The following OR51B5 variants were observed in gnomAD, a reference collection of about 807,000 sequenced individuals.
OR51B5 encodes the protein olfactory receptor 51B5.
For missense variants in OR51B5, 456 were observed against 374.6 expected, an observed-to-expected ratio of 1.22 and a Z score of -1.79; for synonymous variants, 186 against 144.8, an observed-to-expected ratio of 1.28 and a Z score of -2.04.
chr11:5,387,247 A>G (rs1308297458), intron 1 of OR51B5, among the ~76,000 whole-genome samples: 9 of 152,194 alleles, frequency 5.9e-5, no homozygotes, highest in Admixed American at 5.9e-4. Context: ...AGCTCTAAAA[A>G]GGAAGGCATG....
At chr11:5,367,839 C>A (rs117154454) in intron 1 of OR51B5, among the ~76,000 whole-genome samples, 11 of 152,272 alleles carry the variant, frequency 7.2e-5, no homozygotes, top group Non-Finnish European at 1.3e-4. Flanking sequence ...ACAATATATG[C>A]ATTCAAAAAT....
chr11:5,396,792 G>A (rs1283977315), intron 1 of OR51B5, among the ~76,000 whole-genome samples: 2 of 152,082 alleles, frequency 1.3e-5, no homozygotes, highest in African/African-American at 2.4e-5. Flanking sequence ...CACACTACCT[G>A]ATTTCAAACT....
intron 1 of OR51B5, among the ~76,000 whole-genome samples, chr11:5,462,018 T>G (rs979795752): frequency 4.6e-5 from 7 of 152,232 alleles, no homozygotes; most frequent in African/African-American, 1.7e-4. Context: ...AAAGAAAATT[T>G]GTACTTCTAT....
intron 1 of OR51B5, among the ~76,000 whole-genome samples, chr11:5,479,123 T>C (rs1347313555): frequency 1.7e-3 from 259 of 149,650 alleles, no homozygotes; most frequent in Non-Finnish European, 1.3e-3. Context: ...AAGGTCGGGT[T>C]ACCCTCAAAG....
intron 1 of OR51B5, among the ~76,000 whole-genome samples, chr11:5,396,157 T>A (rs1485703180): frequency 6.6e-6 from 1 of 152,146 alleles, no homozygotes; most frequent in Non-Finnish European, 1.5e-5. Flanking sequence ...GTGCCTAGGC[T>A]GCAAGACAGG....
At chr11:5,497,349 T>C (rs1486396287) in intron 1 of OR51B5, among the ~76,000 whole-genome samples, 1 of 152,036 alleles carries the variant, frequency 6.6e-6, no homozygotes, top group African/African-American at 2.4e-5. Flanking sequence ...GAGGCAGAGG[T>C]TGCAGTGAGC....
chr11:5,474,719 T>G (rs1178093676), intron 1 of OR51B5, among the ~76,000 whole-genome samples: 1 of 152,230 alleles, frequency 6.6e-6, no homozygotes, highest in African/African-American at 2.4e-5. Context: ...CACATACATT[T>G]CAATGTGTTG....
chr11:5,342,587 C>T (rs1019088948), exon 1 of OR51B5: 2 of 1,569,034 alleles, frequency 1.3e-6, no homozygotes, highest in Non-Finnish European at 1.7e-6. Context: ...GATTGGAGAT[C>T]AGGTTCCAAT....
chr11:5,420,517 G>A (rs566940643), intron 1 of OR51B5, among the ~76,000 whole-genome samples: 76 of 151,798 alleles, frequency 5.0e-4, no homozygotes, highest in African/African-American at 1.8e-3. Context: ...ATTTAAGATA[G>A]TAATCTCTTC....
At chr11:5,495,707 A>G (rs971635203) in intron 1 of OR51B5, among the ~76,000 whole-genome samples, 1 of 152,184 alleles carries the variant, frequency 6.6e-6, no homozygotes, top group African/African-American at 2.4e-5. Flanking sequence ...AAAACAATTA[A>G]CAAAATAATG....
chr11:5,361,085 A>T (rs912523070), intron 1 of OR51B5, among the ~76,000 whole-genome samples: 2 of 152,182 alleles, frequency 1.3e-5, no homozygotes, highest in Non-Finnish European at 1.5e-5. Flanking sequence ...GCACATGTAT[A>T]CATATGTAAC....
At chr11:5,475,088 T>C (rs438996) in intron 1 of OR51B5, among the ~76,000 whole-genome samples, 90,185 of 151,854 alleles carry the variant, frequency 0.59, 27,139 homozygotes, top group South Asian at 0.7. Flanking sequence ...TTTTCTGCTT[T>C]ACTGACGTCT....
At chr11:5,440,658 G>A (rs1850665334) in intron 1 of OR51B5, 2 of 1,613,736 alleles carry the variant, frequency 1.2e-6, no homozygotes, top group Non-Finnish European at 1.7e-6. Flanking sequence ...GAGCATGGGT[G>A]GTACAAACAG....
At chr11:5,477,664 G>A (rs995378132) in intron 1 of OR51B5, among the ~76,000 whole-genome samples, 10 of 152,192 alleles carry the variant, frequency 6.6e-5, no homozygotes, top group South Asian at 2.1e-4. Flanking sequence ...CGCACCGTGC[G>A]CGAGCCGAAG....
intron 1 of OR51B5, among the ~76,000 whole-genome samples, chr11:5,451,977 T>C (rs1850859971): frequency 6.6e-6 from 1 of 152,134 alleles, no homozygotes; most frequent in Non-Finnish European, 1.5e-5. Context: ...AGAAATAATA[T>C]GTGAATGCCA....
chr11:5,436,847 A>T (rs1850602182), intron 1 of OR51B5, among the ~76,000 whole-genome samples: 1 of 152,146 alleles, frequency 6.6e-6, no homozygotes, highest in East Asian at 1.9e-4. Flanking sequence ...AAGTGTCTTG[A>T]TCACCTTGAG....
chr11:5,379,026 G>C (rs995602595), intron 1 of OR51B5, among the ~76,000 whole-genome samples: 3 of 150,356 alleles, frequency 2.0e-5, no homozygotes, highest in South Asian at 2.1e-4. Flanking sequence ...TGTTTATTGC[G>C]GTACTATTCA....
chr11:5,442,981 CCTT>C (rs1850713519), intron 1 of OR51B5, among the ~76,000 whole-genome samples: 1 of 152,142 alleles, frequency 6.6e-6, no homozygotes, highest in African/African-American at 2.4e-5. Context: ...TCCTTCTCTG[CCTT>C]CTTTACTGAA....
At chr11:5,344,935 G>A (rs948515778), upstream of OR51B5, among the ~76,000 whole-genome samples, 1 of 152,114 alleles carries the variant, frequency 6.6e-6, no homozygotes, top group African/African-American at 2.4e-5. Context: ...GCACCTATGA[G>A]GAGGTCCCAT....
Sources: allele counts gnomAD v4.1 joint callset (sites outside exome capture counted in the v4.1 genomes callset), GRCh38; gene constraint gnomAD v4.1.1; transcripts MANE v1.5; gene names NCBI Gene and HGNC (gene_info 2026-07-23, HGNC 2026-07-21).